CLEC16A: variants seen among roughly 807,000 people sequenced by gnomAD.
CLEC16A encodes the protein C-type lectin domain containing 16A, also known as protein CLEC16A.
CLEC16A carries 51 observed loss-of-function variants against 109.5 expected under a neutral mutation model. That is an observed-to-expected ratio of 0.47 (90% confidence interval 0.37 to 0.59). The LOEUF is 0.59. Ranked by LOEUF, CLEC16A falls within the 20% of genes least tolerant of loss-of-function variation. The probability of loss-of-function intolerance (pLI) is 0.00; values close to 1 mark genes in which losing one functional copy is unlikely to be tolerated. For synonymous variants in CLEC16A, 673 were observed against 564.2 expected (o/e 1.19, Z -2.73); for missense variants, 1,339 against 1,394.0 (o/e 0.96, Z 0.63).
intron 11 of CLEC16A, among the ~76,000 whole-genome samples, chr16:11,011,684 A>G (rs1396241525): frequency 1.3e-5 from 2 of 152,178 alleles, no homozygotes; most frequent in African/African-American, 4.8e-5. Context: ...CTTTCAGTGG[A>G]GAAAGCTAGG....
intron 19 of CLEC16A, among the ~76,000 whole-genome samples, chr16:11,118,892 G>A (rs937664061): frequency 6.6e-6 from 1 of 152,188 alleles, no homozygotes; most frequent in African/African-American, 2.4e-5. Context: ...ATTGAAGATG[G>A]TGTTCTTTCC....
chr16:10,965,678 C>G (rs191450012), intron 3 of CLEC16A, among the ~76,000 whole-genome samples: 29 of 152,274 alleles, frequency 1.9e-4, no homozygotes, highest in African/African-American at 5.1e-4. Flanking sequence ...GACAGAGTCC[C>G]GAGAGACTGA....
intron 22 of CLEC16A, among the ~76,000 whole-genome samples, chr16:11,128,379 G>A (rs1013733307): frequency 1.5e-4 from 23 of 152,236 alleles, no homozygotes; most frequent in African/African-American, 5.3e-4. Flanking sequence ...GGGCCTGCCT[G>A]CCGGGGTGGT....
intron 14 of CLEC16A, chr16:11,041,368 A>G (rs1368291454): frequency 2.0e-5 from 3 of 152,250 alleles, no homozygotes; most frequent in Non-Finnish European, 4.4e-5. Context: ...TCTGGCTTAA[A>G]CAATACAAGC....
intron 10 of CLEC16A, among the ~76,000 whole-genome samples, chr16:11,001,508 T>TC (rs1181598186): frequency 6.6e-6 from 1 of 152,248 alleles, no homozygotes; most frequent in African/African-American, 2.4e-5. Flanking sequence ...AAATTCTGAC[T>TC]CCAACTCAGT....
intron 11 of CLEC16A, among the ~76,000 whole-genome samples, chr16:11,013,446 T>C (rs1041860520): frequency 6.6e-6 from 1 of 151,966 alleles, no homozygotes; most frequent in African/African-American, 2.4e-5. Context: ...CTGGCCAACA[T>C]GGTGAAACCC....
intron 19 of CLEC16A, among the ~76,000 whole-genome samples, chr16:11,111,500 A>G (rs1171167566): frequency 6.6e-6 from 1 of 152,228 alleles, no homozygotes; most frequent in Non-Finnish European, 1.5e-5. Context: ...AGGCCCACTC[A>G]GGTTCAAGGA....
rs72771822 is a variant in CLEC16A, at chr16:11,162,522, A to G, written c.2642-3866A>G. ...AAATAACAAAACTCACTGCAGTACA[A>G]CTACCTGCTTCTCTCACTGTGTCAG... On this transcript the variant is annotated intron_variant, in intron 22 of 23. Transcript: ENST00000409790. Among the ~76,000 whole-genome samples the G allele has an allele frequency of 5.1e-3, 779 of 152,340 alleles. 5 individuals carry two copies. The highest frequency in any genetic ancestry group is 8.9e-3 in the Non-Finnish European group (607 of 68,038).
intron 9 of CLEC16A, among the ~76,000 whole-genome samples, chr16:10,979,837 G>T (rs925259775): frequency 2.0e-5 from 3 of 152,134 alleles, no homozygotes; most frequent in Non-Finnish European, 4.4e-5. Flanking sequence ...CGCGGTTCTA[G>T]TTCCCAGATT....
intron 19 of CLEC16A, among the ~76,000 whole-genome samples, chr16:11,100,912 C>T (rs534531301): frequency 6.6e-6 from 1 of 152,256 alleles, no homozygotes; most frequent in African/African-American, 2.4e-5. Flanking sequence ...AGTTTATACT[C>T]ACAGATTTCT....
intron 1 of CLEC16A, among the ~76,000 whole-genome samples, chr16:10,956,506 G>A (rs1414598263): frequency 6.6e-6 from 1 of 152,154 alleles, no homozygotes; most frequent in Non-Finnish European, 1.5e-5. Context: ...CTTCCTCTTG[G>A]TGTCTGCTTT....
intron 19 of CLEC16A, among the ~76,000 whole-genome samples, chr16:11,068,391 T>A (rs1567272689): frequency 6.6e-6 from 1 of 152,170 alleles, no homozygotes; most frequent in African/African-American, 2.4e-5. Context: ...AGCTATCACC[T>A]TGAATATGAG....
chr16:11,012,035 C>A (rs186355441), intron 11 of CLEC16A, among the ~76,000 whole-genome samples: 1 of 152,146 alleles, frequency 6.6e-6, no homozygotes, highest in African/African-American at 2.4e-5. Context: ...ATGCCCACCC[C>A]AATACTTTAC....
chr16:10,981,857 C>T (rs2043339787), intron 9 of CLEC16A, among the ~76,000 whole-genome samples: 1 of 152,146 alleles, frequency 6.6e-6, no homozygotes, highest in Admixed American at 6.5e-5. Context: ...GGATACCTGG[C>T]AGTGTCTGGG....
rs11862106 is a variant in CLEC16A at position 10,957,501 on chromosome 16, G to A, written c.81-281G>A. Among the ~76,000 whole-genome samples, 10,718 of 152,228 alleles carry A rather than the reference G, an allele frequency of 0.07. 1,280 individuals carry two copies. Among genetic ancestry groups the A allele is most frequent in the African/African-American group, 0.24 (9,902 of 41,506 alleles). On this transcript the variant is annotated intron_variant, in intron 1 of 23. Coordinates refer to ENST00000409790, the MANE Select transcript of CLEC16A (RefSeq NM_015226.3). ...GAGCCCCCACTTGATTCAGTTCTCC[G>A]GGTGGTTCTCTTGCACACTGCAGTT...
At chr16:11,119,165 A>G (rs1213456394) in intron 19 of CLEC16A, among the ~76,000 whole-genome samples, 2 of 152,020 alleles carry the variant, frequency 1.3e-5, no homozygotes, top group African/African-American at 2.4e-5. Context: ...ACGCTCAGCT[A>G]ATTTTTTTTA....
intron 10 of CLEC16A, among the ~76,000 whole-genome samples, chr16:10,992,542 TAAAA>T (rs1296156471): frequency 6.6e-6 from 1 of 151,038 alleles, no homozygotes; most frequent in Non-Finnish European, 1.5e-5. Context: ...CATTAAAAAA[TAAAA>T]AAGAAAAAGA....
At chr16:11,144,107 C>G (rs2053954596) in intron 22 of CLEC16A, among the ~76,000 whole-genome samples, 1 of 152,202 alleles carries the variant, frequency 6.6e-6, no homozygotes, top group African/African-American at 2.4e-5. Context: ...TCGCTCGGCA[C>G]TTTCTCAGAA....
At chr16:11,112,084 T>C (rs764809180) in intron 19 of CLEC16A, among the ~76,000 whole-genome samples, 12 of 151,926 alleles carry the variant, frequency 7.9e-5, no homozygotes, top group African/African-American at 2.9e-4. Context: ...TCACAAGGAG[T>C]GTCTCAGTGC....
Sources: gnomAD v4.1 joint callset for allele counts (sites outside exome capture counted in the v4.1 genomes callset) on GRCh38, gnomAD v4.1.1 for gene constraint, MANE v1.5 for transcripts, NCBI Gene and HGNC (gene_info 2026-07-23, HGNC 2026-07-21) for gene names.